The following LPP variants were observed in gnomAD, a reference collection of about 807,000 sequenced individuals.
LPP encodes the protein lipoma-preferred partner.
Under a neutral mutation model 60.4 loss-of-function variants are expected in LPP, and 38 were observed. The ratio of observed to expected loss-of-function variants is 0.63; its 90% CI spans 0.49 to 0.83. The LOEUF (loss-of-function observed/expected upper bound fraction) is 0.83. LPP is among the 40% of genes least tolerant of loss of function. The pLI, the probability that LPP is intolerant of heterozygous loss-of-function variation, is 0.00. For synonymous variants in LPP, 328 were observed against 290.8 expected (o/e 1.13, Z -1.30); for missense variants, 902 against 783.6 (o/e 1.15, Z -1.80).
In LPP at chr3:188,880,347, T is replaced by C. The variant is rs1013524919; in HGVS notation, c.*5868T>C. On this transcript the variant is annotated 3_prime_UTR_variant, in exon 12 of 12. Coordinates refer to ENST00000617246, the MANE Select transcript of LPP (RefSeq NM_001375462.1). ...TGCCCCGCGTGTTTTTTTCTTTAGCTGATTGACAGGTCCCCTTCAAAGTTA... is the reference window on the plus strand; with the variant it reads ...TGCCCCGCGTGTTTTTTTCTTTAGCCGATTGACAGGTCCCCTTCAAAGTTA... 5.5e-6 allele frequency: 1 copy of C among 180,948 alleles called. No homozygotes were observed. Among genetic ancestry groups the C allele is most frequent in the African/African-American group, 2.4e-5 (1 of 42,424 alleles). 11.2% of individuals were successfully genotyped at this position (180,948 alleles called of 1,614,324 possible).
intron 5 of LPP, among the ~76,000 whole-genome samples, chr3:188,523,025 A>T (rs760037031): frequency 6.6e-6 from 1 of 151,784 alleles, no homozygotes; most frequent in Non-Finnish European, 1.5e-5. Context: ...CTCCTGCCTC[A>T]GCCTCCCAAG....
At chr3:188,642,567 G>A (rs188274229) in intron 7 of LPP, among the ~76,000 whole-genome samples, 4 of 152,244 alleles carry the variant, frequency 2.6e-5, no homozygotes, top group African/African-American at 7.2e-5. Flanking sequence ...ATTATTTGAC[G>A]TGATGACATC....
intron 2 of LPP, among the ~76,000 whole-genome samples, chr3:188,231,725 A>G (rs1406403350): frequency 1.3e-5 from 2 of 152,144 alleles, no homozygotes; most frequent in African/African-American, 2.4e-5. Context: ...TCTCTGCTGC[A>G]TAATGAGTCT....
intron 9 of LPP, among the ~76,000 whole-genome samples, chr3:188,788,543 T>C (rs1742643637): frequency 6.6e-6 from 1 of 152,202 alleles, no homozygotes; most frequent in African/African-American, 2.4e-5. Context: ...TGTATTTAAA[T>C]TACCTATTTG....
chr3:188,888,034 G>A lies in LPP; in HGVS notation c.*13555G>A, dbSNP rs765964021. The A allele has an allele frequency of 3.2e-5, 7 of 215,890 alleles. No homozygotes were observed. The highest frequency in any genetic ancestry group is 5.8e-5 in the Admixed American group (1 of 17,152). The allele number at this position is 215,890 out of a possible 1,614,324, so 13.4% of individuals were successfully genotyped here. A position where few individuals can be genotyped will look rare whatever the true frequency, so the allele number is the denominator to read the frequency against. The stretch of plus-strand genomic sequence containing the variant: ...TTTGGCATGTATAAAATTATCATGT[G>A]GCTTAATGTGCCTTAAGTGAAAATT... On this transcript the variant is annotated 3_prime_UTR_variant, in exon 12 of 12. Coordinates refer to ENST00000617246, the MANE Select transcript of LPP (RefSeq NM_001375462.1).
chr3:188,386,808 A>G (rs893404908), intron 3 of LPP, among the ~76,000 whole-genome samples: 1 of 152,194 alleles, frequency 6.6e-6, no homozygotes, highest in Non-Finnish European at 1.5e-5. Context: ...CCAGCCCATC[A>G]AAGCATTTTG....
intron 10 of LPP, 133 bp downstream of exon 10, chr3:188,866,511 C>A: frequency 1.6e-6 from 1 of 641,308 alleles, no homozygotes; most frequent in Non-Finnish European, 2.3e-6. Context: ...TTTAAAAGAG[C>A]TTATTGATCC....
chr3:188,756,591 A>T (rs1207029002), intron 8 of LPP, among the ~76,000 whole-genome samples: 1 of 152,204 alleles, frequency 6.6e-6, no homozygotes, highest in East Asian at 1.9e-4. Context: ...CTCCATTCTG[A>T]ATCTCTCCCT....
chr3:188,684,598 A>ATTTGCT (rs1266688249), intron 7 of LPP, among the ~76,000 whole-genome samples: 1 of 152,096 alleles, frequency 6.6e-6, no homozygotes, highest in Non-Finnish European at 1.5e-5. Context: ...TGTTAGTGTT[A>ATTTGCT]GAAATGGAGC....
chr3:188,453,457 A>G (rs1227011477), intron 4 of LPP, among the ~76,000 whole-genome samples: 1 of 152,058 alleles, frequency 6.6e-6, no homozygotes, highest in Admixed American at 6.6e-5. Context: ...GAATGTGTTC[A>G]CAATGCCTGG....
In LPP at chr3:188,881,719, G is replaced by T. The variant is rs1273324273; in HGVS notation, c.*7240G>T. ...GCCATCCATGAGATTCCCACTTCTG[G>T]GTCAGTTCATATTCCATTCAACCTT... On this transcript the variant is annotated 3_prime_UTR_variant, in exon 12 of 12. Transcript: ENST00000617246. The T allele has an allele frequency of 4.4e-6, 1 of 226,228 alleles. No individual in the cohort carries two copies. The highest frequency in any genetic ancestry group is 8.8e-6 in the Non-Finnish European group (1 of 113,726). The allele number at this position is 226,228 out of a possible 1,614,324, so 14.0% of individuals were successfully genotyped here.
chr3:188,324,590 T>C (rs1020738901), intron 2 of LPP, among the ~76,000 whole-genome samples: 5 of 152,352 alleles, frequency 3.3e-5, no homozygotes, highest in East Asian at 1.9e-4. Flanking sequence ...CCAGAATGTT[T>C]TCTGACTCTG....
At chr3:188,410,570 C>T (rs1394952230) in intron 4 of LPP, among the ~76,000 whole-genome samples, 1 of 152,102 alleles carries the variant, frequency 6.6e-6, no homozygotes, top group Non-Finnish European at 1.5e-5. Context: ...CTTTAGATCT[C>T]AGGGTCCTTT....
Position 188,800,958 on chromosome 3 carries a change from T to C in LPP, c.1410+40676T>C, listed in dbSNP as rs1362530851. On this transcript the variant is annotated intron_variant, in intron 9 of 11. Transcript: ENST00000617246. ...TTTTAACCCTTTGTCAGTGGCTAATTTGGAACTCCTCCACAGATCCCTGGG... is the reference window on the plus strand; with the variant it reads ...TTTTAACCCTTTGTCAGTGGCTAATCTGGAACTCCTCCACAGATCCCTGGG... Among the ~76,000 whole-genome samples, 2 of 152,172 alleles carry C rather than the reference T, an allele frequency of 1.3e-5. 1 individual carries two copies. Among genetic ancestry groups the C allele is most frequent in the Admixed American group, 1.3e-4 (2 of 15,282 alleles).
Position 188,417,981 on chromosome 3 carries a change from G to C in LPP, c.193+11668G>C, listed in dbSNP as rs114050591. 1.5e-3 allele frequency among the ~76,000 whole-genome samples: 233 copies of C among 152,300 alleles called. 1 individual carries two copies. Among genetic ancestry groups the C allele is most frequent in the African/African-American group, 5.4e-3 (225 of 41,582 alleles). ...CCTGAGAAAACAGGAAGCAATGAAA[G>C]AAGGATTTTATTGTGAAATGTTCAT... On this transcript the variant is annotated intron_variant, in intron 4 of 11. Transcript: ENST00000617246.
In LPP at chr3:188,862,722, AAT is replaced by A. The variant is rs1416116532; in HGVS notation, c.1411-3476_1411-3475del. The stretch of plus-strand genomic sequence containing the variant: ...GGCAACCCTACTAGACAAAAAAATA[AAT>A]AAATAAATAAATAAAAGAAAAAAGA... On this transcript the variant is annotated intron_variant, in intron 9 of 11. Coordinates refer to ENST00000617246, the MANE Select transcript of LPP (RefSeq NM_001375462.1). Among the ~76,000 whole-genome samples, 6 of 80,866 alleles carry A rather than the reference AAT, an allele frequency of 7.4e-5. No homozygotes were observed. In the East Asian group the frequency reaches 1.0e-3, roughly 14 times the overall value. 53.1% of individuals were successfully genotyped at this position (80,866 alleles called of 152,430 possible).
At chr3:188,810,227 A>T (rs906441702) in intron 9 of LPP, among the ~76,000 whole-genome samples, 3 of 152,204 alleles carry the variant, frequency 2.0e-5, no homozygotes, top group African/African-American at 7.2e-5. Flanking sequence ...ATAGTATGGC[A>T]TTCAGAGGCC....
At chr3:188,345,099 T>C (rs1004080519) in intron 3 of LPP, among the ~76,000 whole-genome samples, 30 of 152,342 alleles carry the variant, frequency 2.0e-4, no homozygotes, top group African/African-American at 5.3e-4. Flanking sequence ...TAAAGTGTTT[T>C]TGACTGATCT....
At chr3:188,224,917 C>G (rs867484244) in intron 1 of LPP, among the ~76,000 whole-genome samples, 2 of 152,192 alleles carry the variant, frequency 1.3e-5, no homozygotes, top group Middle Eastern at 3.4e-3. Flanking sequence ...GACACATATC[C>G]AAATGATATC....
Sources: allele counts gnomAD v4.1 joint callset (sites outside exome capture counted in the v4.1 genomes callset), GRCh38; gene constraint gnomAD v4.1.1; transcripts MANE v1.5; gene names NCBI Gene and HGNC (gene_info 2026-07-23, HGNC 2026-07-21).